The following CNTNAP5 variants were observed in gnomAD, a reference collection of about 807,000 sequenced individuals.
CNTNAP5 encodes contactin-associated protein-like 5.
CNTNAP5 carries 72 observed loss-of-function variants against 150.2 expected under a neutral mutation model. That is an observed-to-expected ratio of 0.48 (90% CI 0.40 to 0.58). CNTNAP5 has a LOEUF of 0.58. Ranked by LOEUF, CNTNAP5 falls within the 20% of genes least tolerant of loss-of-function variation. The pLI, the probability that CNTNAP5 is intolerant of heterozygous loss-of-function variation, is 0.00. For missense variants in CNTNAP5, 1,636 were observed against 1,626.2 expected, an observed-to-expected ratio of 1.01 and a Z score of -0.10; for synonymous variants, 672 against 619.8, an observed-to-expected ratio of 1.08 and a Z score of -1.25.
chr2:124,490,417 G>GGAAA (rs779447558), intron 7 of CNTNAP5, among the ~76,000 whole-genome samples: 102 of 147,192 alleles, frequency 6.9e-4, no homozygotes, highest in Admixed American at 1.3e-3. Flanking sequence ...AAGGAAGGAA[G>GGAAA]GAAAGAAAGA....
At position 124,499,206 on chromosome 2, in the gene CNTNAP5, C is replaced by T. The variant is rs774605409; in HGVS notation, c.1063-5086C>T. Among the ~76,000 whole-genome samples the T allele has an allele frequency of 2.0e-5, 3 of 152,122 alleles. No individual in the cohort carries two copies. The East Asian group carries it at 5.8e-4, about 29-fold the overall frequency. On this transcript the variant is annotated intron_variant, in intron 7 of 23. Transcript: ENST00000682447. ...ATCTAGTTCTGCCTAAATTTAACAC[C>T]CTCACTTCCTTCAGAATTCAGAGCA...
chr2:124,121,134 C>CCACA (rs1553439151), intron 1 of CNTNAP5, among the ~76,000 whole-genome samples: 1 of 111,884 alleles, frequency 8.9e-6, no homozygotes, highest in African/African-American at 3.1e-5. Flanking sequence ...GGTCTTATTG[C>CCACA]CATACACACA....
chr2:124,456,664 C>T (rs1326303022), intron 6 of CNTNAP5, among the ~76,000 whole-genome samples: 2 of 152,110 alleles, frequency 1.3e-5, no homozygotes, highest in Non-Finnish European at 2.9e-5. Context: ...TGATTTCAAA[C>T]TATACTATAA....
intron 13 of CNTNAP5, 83 bp downstream of exon 13, chr2:124,648,041 A>C (rs1410768270): frequency 1.1e-5 from 14 of 1,288,906 alleles, no homozygotes; most frequent in Non-Finnish European, 1.5e-5. Flanking sequence ...ATTTGCCAAG[A>C]AGGGGGCTAT....
chr2:124,460,379 A>T (rs1693217770), intron 6 of CNTNAP5, among the ~76,000 whole-genome samples: 2 of 152,324 alleles, frequency 1.3e-5, no homozygotes, highest in South Asian at 2.1e-4. Context: ...TTTAAAAGAC[A>T]GTTCTTATAT....
chr2:124,786,225 C>T (rs773811879), intron 17 of CNTNAP5, among the ~76,000 whole-genome samples: 7 of 150,234 alleles, frequency 4.7e-5, no homozygotes, highest in Non-Finnish European at 7.4e-5. Context: ...ATCACACCAC[C>T]GCACTCCAGC....
At chr2:124,100,146 G>A (rs181354407) in intron 1 of CNTNAP5, among the ~76,000 whole-genome samples, 12 of 152,272 alleles carry the variant, frequency 7.9e-5, no homozygotes, top group Admixed American at 5.2e-4. Flanking sequence ...GGAAAAGCAG[G>A]AGCAGGCACT....
intron 1 of CNTNAP5, among the ~76,000 whole-genome samples, chr2:124,113,354 C>T (rs1472267079): frequency 2.0e-5 from 3 of 151,942 alleles, no homozygotes; most frequent in Middle Eastern, 3.2e-3. Flanking sequence ...AAAAAGAAAA[C>T]GTTAAAAAAT....
chr2:124,663,677 T>C (rs978423694), intron 13 of CNTNAP5, among the ~76,000 whole-genome samples: 4 of 152,130 alleles, frequency 2.6e-5, no homozygotes, highest in Non-Finnish European at 5.9e-5. Context: ...TCTGCTTCAT[T>C]TTTTATCTTG....
At chr2:124,634,211 GCTTTC>G (rs775199886) in intron 12 of CNTNAP5, among the ~76,000 whole-genome samples, 4 of 152,104 alleles carry the variant, frequency 2.6e-5, no homozygotes, top group Non-Finnish European at 5.9e-5. Context: ...TTTACACTCT[GCTTTC>G]CTTTTAAATA....
At chr2:124,087,316 TTTTC>T (rs1682714665) in intron 1 of CNTNAP5, among the ~76,000 whole-genome samples, 2 of 152,026 alleles carry the variant, frequency 1.3e-5, no homozygotes, top group East Asian at 3.9e-4. Flanking sequence ...TTCTTTTATT[TTTTC>T]TTTCTATTTA....
At chr2:124,637,462 A>C (rs1259370742) in intron 12 of CNTNAP5, among the ~76,000 whole-genome samples, 1 of 152,184 alleles carries the variant, frequency 6.6e-6, no homozygotes. Flanking sequence ...CAGACACATG[A>C]CATCAGTTTG....
chr2:124,359,206 T>A (rs181024929), intron 3 of CNTNAP5, among the ~76,000 whole-genome samples: 6,209 of 152,002 alleles, frequency 0.041, 458 homozygotes, highest in African/African-American at 0.14. Context: ...TTTTTCTTTA[T>A]TAGTCTTGCT....
intron 3 of CNTNAP5, among the ~76,000 whole-genome samples, chr2:124,372,442 T>C (rs1047529039): frequency 1.3e-5 from 2 of 152,150 alleles, no homozygotes; most frequent in Admixed American, 1.3e-4. Context: ...ATATTGTATT[T>C]CTTCTGTATC....
At chr2:124,272,586 C>A (rs1480876224) in intron 3 of CNTNAP5, among the ~76,000 whole-genome samples, 2 of 152,128 alleles carry the variant, frequency 1.3e-5, no homozygotes, top group African/African-American at 4.8e-5. Flanking sequence ...TTTGTCATTG[C>A]ACAGAAGAGG....
intron 1 of CNTNAP5, among the ~76,000 whole-genome samples, chr2:124,058,163 T>C (rs1221627135): frequency 6.6e-6 from 1 of 152,034 alleles, no homozygotes; most frequent in East Asian, 1.9e-4. Flanking sequence ...TCAACACAGA[T>C]CCCCTAAGTA....
chr2:124,301,253 C>A (rs1688562431), intron 3 of CNTNAP5, among the ~76,000 whole-genome samples: 2 of 152,220 alleles, frequency 1.3e-5, no homozygotes, highest in African/African-American at 4.8e-5. Flanking sequence ...AAAAACCGGA[C>A]AGCAGTGCTT....
At chr2:124,387,231 A>C (rs558390265) in intron 3 of CNTNAP5, among the ~76,000 whole-genome samples, 1 of 152,334 alleles carries the variant, frequency 6.6e-6, no homozygotes, top group East Asian at 1.9e-4. Flanking sequence ...CTAGAATGTC[A>C]TCTTTTCTGC....
chr2:124,544,802 A>G (rs1695475239), intron 10 of CNTNAP5, among the ~76,000 whole-genome samples: 1 of 152,152 alleles, frequency 6.6e-6, no homozygotes, highest in Non-Finnish European at 1.5e-5. Flanking sequence ...GAGGTTAAGT[A>G]TAAAGATTGG....
Sources: allele counts gnomAD v4.1 joint callset (sites outside exome capture counted in the v4.1 genomes callset), GRCh38; gene constraint gnomAD v4.1.1; transcripts MANE v1.5; gene names NCBI Gene and HGNC (gene_info 2026-07-23, HGNC 2026-07-21).